The following FAM20A variants were observed in gnomAD, a reference collection of about 807,000 sequenced individuals.
FAM20A encodes the protein FAM20A golgi associated secretory pathway pseudokinase, also known as pseudokinase FAM20A.
Under a neutral mutation model 52.0 loss-of-function variants are expected in FAM20A, and 42 were observed. The ratio of observed to expected loss-of-function variants is 0.81; its 90% CI spans 0.63 to 1.04. FAM20A has a LOEUF of 1.04. Among genes scored for constraint, FAM20A ranks in the 50% least tolerant of loss-of-function variants. The pLI, the probability that FAM20A is intolerant of heterozygous loss-of-function variation, is 0.00. For missense variants in FAM20A, 742 were observed against 712.7 expected (o/e 1.04, Z -0.47); for synonymous variants, 304 against 298.9 (o/e 1.02, Z -0.18).
At chr17:68,598,178 T>G (rs926994229) in intron 1 of FAM20A, 33 of 152,182 alleles carry the variant, frequency 2.2e-4, no homozygotes, top group African/African-American at 7.7e-4. Flanking sequence ...TTTTTTTGTT[T>G]GTTTTTTGAG....
chr17:68,539,764 A>C, intron 9 of FAM20A, 121 bp downstream of exon 9: 1 of 896,494 alleles, frequency 1.1e-6, no homozygotes, highest in Admixed American at 2.0e-5. Flanking sequence ...GGCTCGAAGG[A>C]GACAAGGCAC....
At chr17:68,550,350 CA>C (rs1160409727) in intron 4 of FAM20A, among the ~76,000 whole-genome samples, 13 of 131,496 alleles carry the variant, frequency 9.9e-5, no homozygotes, top group African/African-American at 3.6e-4. Flanking sequence ...GGATCTTTCA[CA>C]TAGGAAAAAT....
chr17:68,580,763 C>G (rs1192979983), intron 1 of FAM20A, among the ~76,000 whole-genome samples: 1 of 152,216 alleles, frequency 6.6e-6, no homozygotes, highest in Non-Finnish European at 1.5e-5. Flanking sequence ...TTATGTGGCA[C>G]TCACATGGGG....
Position 68,536,699 on chromosome 17 carries a change from C to A in FAM20A, c.*778G>T, listed in dbSNP as rs1470373256. ...CTCCAGGCTTGTGTCCCTGCTAGGC[C>A]TGTTCCCATGCCATCCTGACCTTGG... On this transcript the variant is annotated 3_prime_UTR_variant, in exon 11 of 11. Coordinates refer to ENST00000592554, the MANE Select transcript of FAM20A (RefSeq NM_017565.4). The A allele has an allele frequency of 2.2e-6, 1 of 453,922 alleles. No individual in the cohort carries two copies. Among genetic ancestry groups the A allele is most frequent in the Non-Finnish European group, 4.4e-6 (1 of 226,792 alleles). The allele number at this position is 453,922 out of a possible 1,614,324, so 28.1% of individuals were successfully genotyped here. A position where few individuals can be genotyped will look rare whatever the true frequency, so the allele number is the denominator to read the frequency against.
rs1429362484 is a variant in FAM20A at position 68,554,795 on chromosome 17, C to T, written c.622G>A (p.Ala208Thr). Reference protein sequence around the residue: ...YSQDEKALLGACDCTQIVKPS... With the variant: ...YSQDEKALLGTCDCTQIVKPS... Reference sequence around the variant, plus strand: ...CACTTACTCTGGGTGCAGTCACATGCCCCCAGCAAGGCTTTCTCATCTTGA... The same window carrying T: ...CACTTACTCTGGGTGCAGTCACATGTCCCCAGCAAGGCTTTCTCATCTTGA... The change falls in exon 3 of 11, where the codon GCA (alanine) becomes ACA (threonine). Residue 208 changes from alanine (A) to threonine (T), a missense_variant. Ala to Thr is a moderately conservative substitution (Grantham distance 58). Transcript: ENST00000592554. 9.3e-6 allele frequency: 15 copies of T among 1,613,932 alleles called. No individual in the cohort carries two copies. The highest frequency in any genetic ancestry group is 1.3e-5 in the African/African-American group (1 of 74,910).
intron 1 of FAM20A, among the ~76,000 whole-genome samples, chr17:68,564,956 G>T (rs559842702): frequency 6.6e-6 from 1 of 152,244 alleles, no homozygotes; most frequent in South Asian, 2.1e-4. Context: ...AGAAGACTGG[G>T]CGGCTCCCCA....
chr17:68,569,839 A>T (rs1410211906), intron 1 of FAM20A, among the ~76,000 whole-genome samples: 1 of 152,062 alleles, frequency 6.6e-6, no homozygotes, highest in Non-Finnish European at 1.5e-5. Flanking sequence ...CGTTTGTCTC[A>T]TTTGTCTACC....
chr17:68,542,964 A>G (rs564609529), intron 5 of FAM20A, among the ~76,000 whole-genome samples, 155 bp from the exon 6 acceptor site: 70 of 152,326 alleles, frequency 4.6e-4, no homozygotes, highest in Middle Eastern at 6.8e-3. Context: ...GGTAGTGCCC[A>G]GGTCAACACT....
intron 3 of FAM20A, among the ~76,000 whole-genome samples, chr17:68,553,759 T>C (rs762230520): frequency 6.7e-6 from 1 of 148,662 alleles, no homozygotes; most frequent in African/African-American, 2.5e-5. Flanking sequence ...TATATATACA[T>C]ATATATACAT....
chr17:68,564,145 G>A (rs573771600), intron 1 of FAM20A, among the ~76,000 whole-genome samples: 7 of 117,684 alleles, frequency 5.9e-5, no homozygotes, highest in African/African-American at 1.2e-4. Context: ...ATGTGATCCT[G>A]CAGCCCCCCA....
chr17:68,548,725 ATTTTTTTTTTT>A (rs753348891), intron 4 of FAM20A, among the ~76,000 whole-genome samples: 2 of 79,158 alleles, frequency 2.5e-5, no homozygotes, highest in African/African-American at 5.5e-5. Context: ...ATGCCTGTAT[ATTTTTTTTTTT>A]TTTTTTTTTT....
chr17:68,553,902 A>G (rs1450108470), intron 3 of FAM20A, among the ~76,000 whole-genome samples: 6 of 134,990 alleles, frequency 4.4e-5, no homozygotes, highest in Non-Finnish European at 9.7e-5. Flanking sequence ...ACATATATGC[A>G]TATATACATA....
chr17:68,552,665 CCTTTTTTTT>C (rs2086892394), intron 3 of FAM20A, among the ~76,000 whole-genome samples: 1 of 109,970 alleles, frequency 9.1e-6, no homozygotes, highest in African/African-American at 3.2e-5. Flanking sequence ...CCTTTATTTT[CCTTTTTTTT>C]TTTTTTTTTT....
At position 68,561,255 on chromosome 17, in the gene FAM20A, AGTATTTTGTG is replaced by A. The variant is rs528541738; in HGVS notation, c.405-5522_405-5513del. ...ACCAAACCAAAGCATGGTTTCCTCT[AGTATTTTGTG>A]GTTTCATTTTTTTCCATTTAAATAT... On this transcript the variant is annotated intron_variant, in intron 1 of 10. Coordinates refer to ENST00000592554, the MANE Select transcript of FAM20A (RefSeq NM_017565.4). Among the ~76,000 whole-genome samples, 378 of 152,314 alleles carry A rather than the reference AGTATTTTGTG, an allele frequency of 2.5e-3. 1 individual carries two copies. The highest frequency in any genetic ancestry group is 4.3e-3 in the Non-Finnish European group (290 of 68,036).
At chr17:68,553,995 C>CACACATGCATATATACATAT (rs2086966487) in intron 3 of FAM20A, among the ~76,000 whole-genome samples, 16 of 126,906 alleles carry the variant, frequency 1.3e-4, no homozygotes, top group South Asian at 2.4e-4. Flanking sequence ...TATACATATA[C>CACACATGCATATATACATAT]ACACATATAT....
intron 4 of FAM20A, among the ~76,000 whole-genome samples, chr17:68,548,121 G>A (rs980772373): frequency 6.6e-6 from 1 of 152,188 alleles, no homozygotes; most frequent in Non-Finnish European, 1.5e-5. Flanking sequence ...TAGGCCAGGT[G>A]CAGTGGCTCA....
chr17:68,586,536 TAGA>T (rs1568780084), intron 1 of FAM20A, among the ~76,000 whole-genome samples: 1 of 152,116 alleles, frequency 6.6e-6, no homozygotes, highest in East Asian at 1.9e-4. Context: ...AAGACCCACA[TAGA>T]GGAGGAGAAG....
At chr17:68,540,486 G>A (rs1234825251) in intron 8 of FAM20A, 12 of 471,262 alleles carry the variant, frequency 2.5e-5, no homozygotes, top group Non-Finnish European at 4.6e-5. Context: ...AGTCTTGTGT[G>A]TCCGTGGCCT....
rs181561088 is a variant in FAM20A at position 68,597,829 on chromosome 17, A to T, written c.404+2434T>A. 1.2e-4 allele frequency among the ~76,000 whole-genome samples: 19 copies of T among 152,174 alleles called. No homozygotes were observed. In the East Asian group the frequency reaches 3.7e-3, roughly 29 times the overall value. ...TTCTATTTATTTGTCTGCTGCTAGG[A>T]TCTAGGGGTGTCCTCGACCCTGCAC... On this transcript the variant is annotated intron_variant, in intron 1 of 10. Transcript: ENST00000592554.
Sources: allele counts gnomAD v4.1 joint callset (sites outside exome capture counted in the v4.1 genomes callset), GRCh38; gene constraint gnomAD v4.1.1; transcripts MANE v1.5; gene names NCBI Gene and HGNC (gene_info 2026-07-23, HGNC 2026-07-21).